Variants in ATP10B observed in about 807,000 individuals in gnomAD.
ATP10B encodes the protein ATPase phospholipid transporting 10B (putative), also known as phospholipid-transporting ATPase VB.
ATP10B carries 122 observed loss-of-function variants against 141.2 expected under a neutral mutation model. That is an observed-to-expected ratio of 0.86 (90% confidence interval 0.75 to 1.00). The LOEUF is 1.00. ATP10B is among the 50% of genes least tolerant of loss of function. The pLI, the probability that ATP10B is intolerant of heterozygous loss-of-function variation, is 0.00. For missense variants in ATP10B, 1,876 were observed against 1,825.3 expected, an observed-to-expected ratio of 1.03 and a Z score of -0.51; for synonymous variants, 685 against 692.0, an observed-to-expected ratio of 0.99 and a Z score of 0.16.
At chr5:160,827,639 A>G (rs1258027528) in intron 1 of ATP10B, among the ~76,000 whole-genome samples, 1 of 152,166 alleles carries the variant, frequency 6.6e-6, no homozygotes, top group African/African-American at 2.4e-5. Context: ...CTTAGCCAAA[A>G]ATTCTTTGCC....
At chr5:160,591,789 T>C (rs1756311078) in intron 22 of ATP10B, among the ~76,000 whole-genome samples, 1 of 152,172 alleles carries the variant, frequency 6.6e-6, no homozygotes, top group African/African-American at 2.4e-5. Context: ...GTCAGCACTT[T>C]GATGGGAAGG....
the ATP10B span, among the ~76,000 whole-genome samples, chr5:160,924,091 C>G: frequency 1.3e-5 from 2 of 152,218 alleles, no homozygotes; most frequent in Non-Finnish European, 2.9e-5. Flanking sequence ...GCTCCACCAG[C>G]TAGGCCAGGG....
chr5:160,583,490 G>A (rs1755684944), intron 24 of ATP10B, among the ~76,000 whole-genome samples: 1 of 152,192 alleles, frequency 6.6e-6, no homozygotes, highest in South Asian at 2.1e-4. Context: ...GAACTTTCCT[G>A]TATGAGGTGT....
intron 1 of ATP10B, among the ~76,000 whole-genome samples, chr5:160,848,830 CGTGA>C (rs1305290618): frequency 2.0e-5 from 3 of 152,144 alleles, no homozygotes; most frequent in African/African-American, 7.2e-5. Flanking sequence ...TGATATAATA[CGTGA>C]GTATCACCTA....
At chr5:160,819,866 C>G (rs1215854801) in intron 1 of ATP10B, among the ~76,000 whole-genome samples, 4 of 151,954 alleles carry the variant, frequency 2.6e-5, no homozygotes, top group Admixed American at 1.3e-4. Context: ...TTAAATCATA[C>G]TAGCAGAGAA....
chr5:160,826,913 T>C (rs946018710), intron 1 of ATP10B, among the ~76,000 whole-genome samples: 1 of 152,204 alleles, frequency 6.6e-6, no homozygotes, highest in African/African-American at 2.4e-5. Flanking sequence ...TTCTCTGCTC[T>C]CAAACCCTGT....
intron 22 of ATP10B, among the ~76,000 whole-genome samples, chr5:160,595,402 G>A (rs1756605413): frequency 6.6e-6 from 1 of 151,926 alleles, no homozygotes; most frequent in South Asian, 2.1e-4. Flanking sequence ...GTGTGTAGAG[G>A]GAAATTTATA....
the ATP10B span, among the ~76,000 whole-genome samples, chr5:160,874,475 G>A: frequency 7.2e-5 from 11 of 152,134 alleles, no homozygotes; most frequent in Non-Finnish European, 1.2e-4. Flanking sequence ...AACGCAGAGT[G>A]CCTCTCCTCC....
At chr5:160,917,786 C>T in the ATP10B span, among the ~76,000 whole-genome samples, 1 of 152,204 alleles carries the variant, frequency 6.6e-6, no homozygotes, top group South Asian at 2.1e-4. Flanking sequence ...GTCCCTGCCA[C>T]CTACCCTCCC....
chr5:160,593,711 C>A (rs757613769), intron 22 of ATP10B, among the ~76,000 whole-genome samples: 5 of 152,154 alleles, frequency 3.3e-5, no homozygotes, highest in Non-Finnish European at 5.9e-5. Context: ...CAGAGAAGTG[C>A]TTAAAGGAGC....
chr5:160,745,130 C>T (rs1007183243), intron 2 of ATP10B, among the ~76,000 whole-genome samples: 26 of 152,240 alleles, frequency 1.7e-4, no homozygotes, highest in Non-Finnish European at 7.3e-5. Flanking sequence ...GGATTTGCTG[C>T]TGCTATTATT....
At chr5:160,885,650 TTGCTCTC>T in the ATP10B span, among the ~76,000 whole-genome samples, 2 of 152,202 alleles carry the variant, frequency 1.3e-5, no homozygotes, top group Non-Finnish European at 2.9e-5. Flanking sequence ...GAGTCTGTCT[TTGCTCTC>T]TGCTCAAGAC....
intron 2 of ATP10B, among the ~76,000 whole-genome samples, chr5:160,760,788 C>T (rs1768969383): frequency 6.6e-6 from 1 of 152,096 alleles, no homozygotes; most frequent in Non-Finnish European, 1.5e-5. Flanking sequence ...GCAGCAGAGG[C>T]AGCCATAATT....
rs116848345 is a variant in ATP10B at position 160,652,067 on chromosome 5, C to T, written c.676-2811G>A. The stretch of plus-strand genomic sequence containing the variant: ...CTGCTGCCTGTTTAATCACACCTGC[C>T]GGGCCCCAGCAATGGTGAAGTTTGA... On this transcript the variant is annotated intron_variant, in intron 7 of 25. Coordinates refer to ENST00000327245, the MANE Select transcript of ATP10B (RefSeq NM_025153.3). Among the ~76,000 whole-genome samples the T allele has an allele frequency of 7.3e-3, 1,112 of 152,186 alleles. 10 individuals are homozygous for T. Among genetic ancestry groups the T allele is most frequent in the African/African-American group, 0.023 (941 of 41,520 alleles).
rs1561701400 is a variant in ATP10B at position 160,652,889 on chromosome 5, T to TTATATATTATATATACATGTA, written c.676-3634_676-3633insTACATGTATATATAATATATA. Among the ~76,000 whole-genome samples, 23 of 32,408 alleles carry TTATATATTATATATACATGTA rather than the reference T, an allele frequency of 7.1e-4. 1 individual carries two copies. Among genetic ancestry groups the TTATATATTATATATACATGTA allele is most frequent in the South Asian group, 3.1e-3 (4 of 1,296 alleles). 21.3% of individuals were successfully genotyped at this position (32,408 alleles called of 152,430 possible). A position where few individuals can be genotyped will look rare whatever the true frequency, so the allele number is the denominator to read the frequency against. ...TATAATATATATAATATATATATAA[T>TTATATATTATATATACATGTA]TATATAATATATTATATATACATGT... On this transcript the variant is annotated intron_variant, in intron 7 of 25. Transcript: ENST00000327245.
At chr5:160,634,143 T>G in intron 12 of ATP10B, 1 of 772,808 alleles carries the variant, frequency 1.3e-6, no homozygotes. Context: ...ATGGGATAAC[T>G]TCTAACCTTT....
chr5:160,589,787 G>T (rs944070526), intron 23 of ATP10B, 91 bp from the exon 24 acceptor site: 3 of 912,062 alleles, frequency 3.3e-6, no homozygotes, highest in African/African-American at 3.3e-5. Context: ...AATGAAGGCA[G>T]TTGTCAATGG....
chr5:160,625,901 C>T (rs1758585247), intron 13 of ATP10B, among the ~76,000 whole-genome samples: 2 of 152,342 alleles, frequency 1.3e-5, no homozygotes, highest in East Asian at 1.9e-4. Flanking sequence ...TATATATTCC[C>T]ATCCAATCTT....
chr5:160,883,480 G>A, the ATP10B span, among the ~76,000 whole-genome samples: 2 of 94,882 alleles, frequency 2.1e-5, no homozygotes, highest in African/African-American at 5.5e-5. Flanking sequence ...CAGGTGGTGT[G>A]TAGTGATTTT....
Sources: allele counts gnomAD v4.1 joint callset (sites outside exome capture counted in the v4.1 genomes callset), GRCh38; gene constraint gnomAD v4.1.1; transcripts MANE v1.5; gene names NCBI Gene and HGNC (gene_info 2026-07-23, HGNC 2026-07-21).